FGFRL1: variants seen among roughly 807,000 people sequenced by gnomAD.
FGFRL1 encodes fibroblast growth factor receptor-like 1.
Under a neutral mutation model 36.8 loss-of-function variants are expected in FGFRL1, and 24 were observed. That is an observed-to-expected ratio of 0.65 (90% CI 0.47 to 0.92). The LOEUF (loss-of-function observed/expected upper bound fraction) is 0.92. Ranked by LOEUF, FGFRL1 falls within the 40% of genes least tolerant of loss-of-function variation. The pLI, the probability that FGFRL1 is intolerant of heterozygous loss-of-function variation, is 0.00. For missense variants in FGFRL1, 785 were observed against 753.4 expected (o/e 1.04, Z -0.49); for synonymous variants, 422 against 344.1 (o/e 1.23, Z -2.50).
At chr4:1,012,729 C>T (rs918945885) in intron 2 of FGFRL1, among the ~76,000 whole-genome samples, 165 bp downstream of exon 2, 1 of 152,218 alleles carries the variant, frequency 6.6e-6, no homozygotes, top group Non-Finnish European at 1.5e-5. Flanking sequence ...CACCCATGGG[C>T]TGTCCACAGC....
rs1263575802 is a variant in FGFRL1, at chr4:1,024,307, A to G, written c.719-4A>G. The G allele has an allele frequency of 1.9e-6, 3 of 1,586,846 alleles. No homozygotes were observed. In the African/African-American group the frequency reaches 4.0e-5, roughly 21 times the overall value. On this transcript the variant is annotated splice_region_variant and splice_polypyrimidine_tract_variant and intron_variant, in intron 5 of 6. Coordinates refer to ENST00000510644, the MANE Select transcript of FGFRL1 (RefSeq NM_001004356.3). Reference sequence around the variant, plus strand: ...AGCCATGCCCGCGTGCCACGTTCCCACAGAGCGGACCCGTTCCAAGCCCGT... The same window carrying G: ...AGCCATGCCCGCGTGCCACGTTCCCGCAGAGCGGACCCGTTCCAAGCCCGT...
chr4:1,022,407 G>A lies in FGFRL1; in HGVS notation c.284G>A (p.Gly95Asp). 6.2e-7 allele frequency: 1 copy of A among 1,611,818 alleles called. No individual in the cohort carries two copies. Among genetic ancestry groups the A allele is most frequent in the Non-Finnish European group, 8.5e-7 (1 of 1,179,658 alleles). Residue 95 changes from glycine to aspartate, a missense_variant, in exon 3 of 7, where the codon GGC becomes GAC. Coordinates refer to ENST00000510644, the MANE Select transcript of FGFRL1 (RefSeq NM_001004356.3). ...AAGCAGGTGGAGCGGGAGGATGCCG[G>A]CGTGTACGTGTGCAAGGCCACCAAC... ...KVKQVEREDA[G>D]VYVCKATNGF...
Position 1,022,256 on chromosome 4 carries a change from C to T in FGFRL1, c.133C>T (p.Arg45Cys), listed in dbSNP as rs780395159. Residue 45 changes from arginine (R) to cysteine (C), a missense_variant, in exon 3 of 7, where the codon CGC becomes TGC. By Grantham distance (180) the Arg-to-Cys change is radical. Coordinates refer to ENST00000510644, the MANE Select transcript of FGFRL1 (RefSeq NM_001004356.3). ...CCCACGGCAGGTGGCCCGGCTGGGC[C>T]GCACTGTGCGGCTGCAGTGCCCAGT... The part of the protein sequence containing the change: ...VVPRQVARLG[R>C]TVRLQCPVEG... The T allele has an allele frequency of 8.2e-6, 13 of 1,584,672 alleles. No individual in the cohort carries two copies. The African/African-American group carries it at 9.4e-5, about 12-fold the overall frequency.
At chr4:1,013,806 T>C (rs1263629426) in intron 2 of FGFRL1, among the ~76,000 whole-genome samples, 1 of 152,274 alleles carries the variant, frequency 6.6e-6, no homozygotes, top group East Asian at 1.9e-4. Context: ...CGGTCAGCCA[T>C]GGCAGTGGGC....
chr4:1,012,624 C>T, intron 2 of FGFRL1, 60 bp downstream of exon 2: 4 of 792,036 alleles, frequency 5.1e-6, no homozygotes, highest in Non-Finnish European at 7.4e-6. Flanking sequence ...CCCTTCCCGC[C>T]CGGCCCTGAA....
chr4:1,022,564 C>G (rs562692833), intron 3 of FGFRL1, 89 bp downstream of exon 3: 4 of 1,451,496 alleles, frequency 2.8e-6, no homozygotes, highest in Admixed American at 4.8e-5. Flanking sequence ...ACCTGGGGCC[C>G]GAGAGTCAGC....
intron 2 of FGFRL1, among the ~76,000 whole-genome samples, chr4:1,021,452 C>T (rs1285279507): frequency 6.6e-6 from 1 of 152,106 alleles, no homozygotes; most frequent in Admixed American, 6.5e-5. Context: ...TCTCTGACCC[C>T]AGGGCCTTGG....
chr4:1,022,349 C>A lies in FGFRL1; in HGVS notation c.226C>A (p.Arg76Ser). The change falls in exon 3 of 7, where the codon CGC (arginine) becomes AGC (serine). Residue 76 changes from arginine to serine, a missense_variant. By Grantham distance (110) the Arg-to-Ser change is moderately radical. Coordinates refer to ENST00000510644, the MANE Select transcript of FGFRL1 (RefSeq NM_001004356.3). ...CCGCACCATCCACAGCGGCTGGAGC[C>A]GCTTCCGCGTGCTGCCGCAGGGGCT... ...DGRTIHSGWSRFRVLPQGLKV... is the reference protein window; with the variant it reads ...DGRTIHSGWSSFRVLPQGLKV... 3.7e-6 allele frequency: 6 copies of A among 1,606,530 alleles called. No homozygotes were observed. Among genetic ancestry groups the A allele is most frequent in the Non-Finnish European group, 5.1e-6 (6 of 1,177,528 alleles).
At position 1,025,116 on chromosome 4, in the gene FGFRL1, A is replaced by G. The variant is rs1716438588; in HGVS notation, c.1284A>G (p.Gly428=). The G allele has an allele frequency of 6.2e-7, 1 of 1,611,290 alleles. No individual in the cohort carries two copies. Residue 428 remains glycine (G), a synonymous_variant, in exon 7 of 7, where the codon GGA becomes GGG. Coordinates refer to ENST00000510644, the MANE Select transcript of FGFRL1 (RefSeq NM_001004356.3). ...RPPGTARDRS[G]DKDLPSLAAL... ...CGGGGACGGCCCGCGACCGCAGCGGAGACAAGGACCTTCCCTCGTTGGCCG... is the reference window on the plus strand; with the variant it reads ...CGGGGACGGCCCGCGACCGCAGCGGGGACAAGGACCTTCCCTCGTTGGCCG...
intron 2 of FGFRL1, among the ~76,000 whole-genome samples, chr4:1,015,096 C>T (rs972620315): frequency 4.6e-5 from 7 of 152,116 alleles, no homozygotes; most frequent in African/African-American, 9.7e-5. Context: ...TCAGGAACTG[C>T]GGCCGTGCTG....
At position 1,025,531 on chromosome 4, in the gene FGFRL1, T is replaced by G; in HGVS notation, c.*184T>G. 1 of 716,924 alleles carries G rather than the reference T, an allele frequency of 1.4e-6. No homozygotes were observed. The highest frequency in any genetic ancestry group is 2.3e-6 in the Non-Finnish European group (1 of 439,660). 44.4% of individuals were successfully genotyped at this position (716,924 alleles called of 1,614,324 possible). Reference sequence around the variant, plus strand: ...CACACAGACACACACACTGCCTGGATGCATGTATGCACACACATGCGCGCA... The same window carrying G: ...CACACAGACACACACACTGCCTGGAGGCATGTATGCACACACATGCGCGCA... On this transcript the variant is annotated 3_prime_UTR_variant, in exon 7 of 7. Coordinates refer to ENST00000510644, the MANE Select transcript of FGFRL1 (RefSeq NM_001004356.3).
intron 2 of FGFRL1, among the ~76,000 whole-genome samples, chr4:1,021,795 C>G (rs2153026726): frequency 6.6e-6 from 1 of 152,312 alleles, no homozygotes; most frequent in Admixed American, 6.5e-5. Context: ...CCACTGTCCC[C>G]TCTGACCTCG....
Position 1,022,219 on chromosome 4 carries a change from G to A in FGFRL1, c.96G>A (p.Ala32=), listed in dbSNP as rs1342533822. 7 of 1,539,884 alleles carry A rather than the reference G, an allele frequency of 4.5e-6. No homozygotes were observed. Among genetic ancestry groups the A allele is most frequent in the Admixed American group, 1.9e-5 (1 of 52,724 alleles). ...CACCCGCAGGCCCCCCAAAGATGGC[G>A]GACAAGGTGGTCCCACGGCAGGTGG... ...AAAARGPPKM[A]DKVVPRQVAR... is the part of the protein sequence containing the mutation. The change falls in exon 3 of 7, where the codon GCG becomes GCA. Residue 32 remains alanine, a synonymous_variant. Coordinates refer to ENST00000510644, the MANE Select transcript of FGFRL1 (RefSeq NM_001004356.3).
rs1716511823 is a variant in FGFRL1 at position 1,026,065 on chromosome 4, C to T, written c.*718C>T. 8.0e-6 allele frequency: 1 copy of T among 124,650 alleles called. No individual in the cohort carries two copies. Among genetic ancestry groups the T allele is most frequent in the Admixed American group, 7.8e-5 (1 of 12,858 alleles). 7.7% of individuals were successfully genotyped at this position (124,650 alleles called of 1,614,324 possible). ...ACACACGCATGCACAGATATGCTGT[C>T]CGGACACACACACGCACGCAGATAT... On this transcript the variant is annotated 3_prime_UTR_variant, in exon 7 of 7. Transcript: ENST00000510644.
rs753912109 is a variant in FGFRL1, at chr4:1,024,992, C to T, written c.1160C>T (p.Ala387Val). The change falls in exon 7 of 7, where the codon GCT (alanine) becomes GTT (valine). Residue 387 changes from alanine to valine, a missense_variant. Coordinates refer to ENST00000510644, the MANE Select transcript of FGFRL1 (RefSeq NM_001004356.3). ...GTGGTCATCGGCATCCCAGCCGGCG[C>T]TGTCTTCATCCTGGGCACCCTGCTC... ...WPVVIGIPAG[A>V]VFILGTLLLW... 1 of 1,610,628 alleles carries T rather than the reference C, an allele frequency of 6.2e-7. No individual in the cohort carries two copies. The highest frequency in any genetic ancestry group is 1.1e-5 in the South Asian group (1 of 91,048).
rs375839578 is a variant in FGFRL1 at position 1,026,787 on chromosome 4, C to G, written c.*1440C>G. The G allele has an allele frequency of 8.9e-6, 4 of 450,352 alleles. No homozygotes were observed. The highest frequency in any genetic ancestry group is 4.0e-5 in the African/African-American group (2 of 49,872). 27.9% of individuals were successfully genotyped at this position (450,352 alleles called of 1,614,324 possible). A position where few individuals can be genotyped will look rare whatever the true frequency, so the allele number is the denominator to read the frequency against. ...CCCGTCCAGGCCAGACACCACCCCC[C>G]ACCCCACTGTCGTGGTGGCCCCAGA... is the stretch of plus-strand genomic sequence containing the variant. On this transcript the variant is annotated 3_prime_UTR_variant, in exon 7 of 7. Transcript: ENST00000510644.
chr4:1,017,280 G>A (rs2335490), intron 2 of FGFRL1, among the ~76,000 whole-genome samples: 6 of 111,842 alleles, frequency 5.4e-5, no homozygotes. Context: ...CTCTGGCCTC[G>A]TTCGGCTGCC....
chr4:1,021,822 C>T (rs1387666308), intron 2 of FGFRL1, among the ~76,000 whole-genome samples: 1 of 152,198 alleles, frequency 6.6e-6, no homozygotes, highest in Non-Finnish European at 1.5e-5. Context: ...CGGCTGCTTC[C>T]TGTATGACCA....
In FGFRL1 at chr4:1,026,761, C is replaced by G. The variant is rs377102874; in HGVS notation, c.*1414C>G. The G allele has an allele frequency of 1.4e-5, 6 of 442,742 alleles. No homozygotes were observed. The highest frequency in any genetic ancestry group is 2.3e-5 in the Non-Finnish European group (5 of 219,950). The allele number at this position is 442,742 out of a possible 1,614,324, so 27.4% of individuals were successfully genotyped here. A position where few individuals can be genotyped will look rare whatever the true frequency, so the allele number is the denominator to read the frequency against. On this transcript the variant is annotated 3_prime_UTR_variant, in exon 7 of 7. Transcript: ENST00000510644. ...TCTTTCAGCCATGCTGATGACCACA[C>G]CCCGTCCAGGCCAGACACCACCCCC... is the stretch of plus-strand genomic sequence containing the variant.
Sources: allele counts gnomAD v4.1 joint callset (sites outside exome capture counted in the v4.1 genomes callset), GRCh38; gene constraint gnomAD v4.1.1; transcripts MANE v1.5; gene names NCBI Gene and HGNC (gene_info 2026-07-23, HGNC 2026-07-21).